Variants in VWDE observed in about 807,000 individuals in gnomAD.
VWDE encodes von Willebrand factor D and EGF domain-containing protein.
Under a neutral mutation model 178.4 loss-of-function variants are expected in VWDE, and 207 were observed. The ratio of observed to expected loss-of-function variants is 1.16; its 90% confidence interval spans 1.04 to 1.30. The LOEUF (loss-of-function observed/expected upper bound fraction) is 1.30, where lower values mean the gene tolerates loss of function less well. VWDE is among the 50% of genes most tolerant of loss of function. The pLI, the probability that VWDE is intolerant of heterozygous loss-of-function variation, is 0.00. For synonymous variants in VWDE, 738 were observed against 651.4 expected (o/e 1.13, Z -2.02); for missense variants, 2,287 against 1,901.3 (o/e 1.20, Z -3.77).
chr7:12,403,632 C>T (rs1435690132), intron 1 of VWDE, 27 bp downstream of exon 1: 1 of 1,531,524 alleles, frequency 6.5e-7, no homozygotes, highest in Admixed American at 2.0e-5. Flanking sequence ...ACTGCGCGCC[C>T]ACCCCCGCGC....
intron 5 of VWDE, 32 bp downstream of exon 5, chr7:12,380,454 T>C (rs912743151): frequency 6.5e-7 from 1 of 1,535,562 alleles, no homozygotes; most frequent in Admixed American, 2.1e-5. Context: ...AATACATTCA[T>C]GAAAATAAAA....
chr7:12,351,445 C>T (rs1196295035), intron 19 of VWDE, 128 bp downstream of exon 19: 3 of 984,334 alleles, frequency 3.0e-6, no homozygotes, highest in Non-Finnish European at 4.2e-6. Flanking sequence ...AAATTTTAAA[C>T]CGCATCATAT....
At chr7:12,400,414 A>C (rs847994) in intron 1 of VWDE, among the ~76,000 whole-genome samples, 9,547 of 152,244 alleles carry the variant, frequency 0.063, 353 homozygotes, top group Middle Eastern at 0.11. Context: ...ATTAAGGAAT[A>C]CTATGACTGC....
chr7:12,341,758 A>G (rs1781344276), intron 23 of VWDE, among the ~76,000 whole-genome samples: 1 of 152,218 alleles, frequency 6.6e-6, no homozygotes, highest in Admixed American at 6.5e-5. Flanking sequence ...AACTTAAAAG[A>G]AACCTAGAAG....
intron 18 of VWDE, among the ~76,000 whole-genome samples, chr7:12,354,871 G>A (rs565176907): frequency 1.3e-5 from 2 of 152,222 alleles, no homozygotes; most frequent in South Asian, 2.1e-4. Context: ...AGGACAAATT[G>A]TTTAGTCTAG....
At position 12,370,142 on chromosome 7, in the gene VWDE, A is replaced by G. The variant is rs1413097888; in HGVS notation, c.2164T>C (p.Ser722Pro). 2 of 1,551,476 alleles carry G rather than the reference A, an allele frequency of 1.3e-6. No homozygotes were observed. The highest frequency in any genetic ancestry group is 2.4e-5 in the South Asian group (2 of 84,052). The change falls in exon 12 of 29, where the codon TCA becomes CCA. Residue 722 changes from serine to proline, a missense_variant. Ser to Pro is a moderately conservative substitution (Grantham distance 74). Transcript: ENST00000275358. ...QKHPGNEKED[S>P]LQYLANKKYT... ...TTCTTATTGGCCAAATATTGTAGTGAATCTTCTTTCTCATTTCCAGGATGT... is the reference window on the plus strand; with the variant it reads ...TTCTTATTGGCCAAATATTGTAGTGGATCTTCTTTCTCATTTCCAGGATGT...
chr7:12,336,035 G>C, intron 27 of VWDE, 106 bp downstream of exon 27: 2 of 844,864 alleles, frequency 2.4e-6, no homozygotes, highest in Non-Finnish European at 1.7e-6. Context: ...GGATCAGCAT[G>C]CTGGAGTTTT....
At chr7:12,359,251 CTTGT>C (rs1196458578) in intron 16 of VWDE, among the ~76,000 whole-genome samples, 3 of 152,238 alleles carry the variant, frequency 2.0e-5, no homozygotes, top group Admixed American at 1.3e-4. Flanking sequence ...GTCCAGATAC[CTTGT>C]TTAACAAGTG....
Position 12,359,710 on chromosome 7 carries a change from A to G in VWDE, c.3160-18T>C, listed in dbSNP as rs1562483739. 1 of 1,487,412 alleles carries G rather than the reference A, an allele frequency of 6.7e-7. No individual in the cohort carries two copies. Among genetic ancestry groups the G allele is most frequent in the East Asian group, 2.5e-5 (1 of 40,448 alleles). The allele number at this position is 1,487,412 out of a possible 1,614,324, so 92.1% of individuals were successfully genotyped here. A position where few individuals can be genotyped will look rare whatever the true frequency, so the allele number is the denominator to read the frequency against. ...ACATTTTCCTAATGGAAAATTTTTAAAAAAGAAAACATCAAAGTACAGCGT... is the reference window on the plus strand; with the variant it reads ...ACATTTTCCTAATGGAAAATTTTTAGAAAAGAAAACATCAAAGTACAGCGT... On this transcript the variant is annotated intron_variant, in intron 15 of 28. Coordinates refer to ENST00000275358, the MANE Select transcript of VWDE (RefSeq NM_001135924.3).
chr7:12,392,833 G>A (rs1307890209), intron 2 of VWDE, among the ~76,000 whole-genome samples: 4 of 149,102 alleles, frequency 2.7e-5, no homozygotes, highest in Admixed American at 2.0e-4. Context: ...CACATCCGAT[G>A]TGAGTTCATG....
chr7:12,337,102 A>G lies in VWDE; in HGVS notation c.4463-19T>C. On this transcript the variant is annotated intron_variant, in intron 25 of 28. Transcript: ENST00000275358. The stretch of plus-strand genomic sequence containing the variant: ...CAGATGCCTTAAGGTAAAAGCATGA[A>G]AAGTCAGCCCTTAAATTCAACAGTT... 1 of 1,551,574 alleles carries G rather than the reference A, an allele frequency of 6.4e-7. No individual in the cohort carries two copies. The highest frequency in any genetic ancestry group is 1.2e-5 in the South Asian group (1 of 84,064).
intron 21 of VWDE, 112 bp downstream of exon 21, chr7:12,344,083 A>G (rs1429123099): frequency 5.6e-6 from 4 of 717,820 alleles, no homozygotes; most frequent in African/African-American, 5.4e-5. Context: ...CAGCTTTGAT[A>G]AGAATATTTT....
At chr7:12,375,282 C>T in intron 7 of VWDE, 55 bp from the exon 8 acceptor site, 2 of 1,197,372 alleles carry the variant, frequency 1.7e-6, no homozygotes, top group East Asian at 2.6e-5. Flanking sequence ...CTAACCAAAG[C>T]ATGTAATAAA....
intron 27 of VWDE, among the ~76,000 whole-genome samples, chr7:12,334,437 A>C (rs909014053): frequency 5.9e-5 from 7 of 118,278 alleles, no homozygotes; most frequent in African/African-American, 2.0e-4. Context: ...CTTTAAGATA[A>C]ATGCAACATT....
intron 19 of VWDE, among the ~76,000 whole-genome samples, chr7:12,350,912 A>G (rs557283793): frequency 2.0e-5 from 3 of 151,686 alleles, no homozygotes; most frequent in Non-Finnish European, 4.4e-5. Flanking sequence ...AAAACCCCCT[A>G]TTTGCAAAAA....
intron 16 of VWDE, among the ~76,000 whole-genome samples, chr7:12,357,878 ACT>A (rs1782348601): frequency 6.6e-6 from 1 of 151,536 alleles, no homozygotes; most frequent in African/African-American, 2.4e-5. Flanking sequence ...GATCCTTTGC[ACT>A]CTGTTTCTTT....
intron 19 of VWDE, among the ~76,000 whole-genome samples, chr7:12,347,231 A>G (rs1035316540): frequency 1.3e-5 from 2 of 152,200 alleles, no homozygotes; most frequent in African/African-American, 2.4e-5. Flanking sequence ...AATTGTTTTA[A>G]GTGAACCTTC....
At chr7:12,375,788 A>G (rs1305839169) in intron 7 of VWDE, among the ~76,000 whole-genome samples, 1 of 152,010 alleles carries the variant, frequency 6.6e-6, no homozygotes, top group East Asian at 1.9e-4. Flanking sequence ...TCACCTCCCA[A>G]ATGTCCCAAT....
intron 3 of VWDE, among the ~76,000 whole-genome samples, chr7:12,388,543 A>T (rs1031514065): frequency 2.0e-5 from 3 of 152,188 alleles, no homozygotes; most frequent in Admixed American, 1.3e-4. Flanking sequence ...GCCTCTATTT[A>T]ATTATCTACT....
Sources: allele counts gnomAD v4.1 joint callset (sites outside exome capture counted in the v4.1 genomes callset), GRCh38; gene constraint gnomAD v4.1.1; transcripts MANE v1.5; gene names NCBI Gene and HGNC (gene_info 2026-07-23, HGNC 2026-07-21).